The following CNTNAP4 variants were observed in gnomAD, a reference collection of about 807,000 sequenced individuals.
CNTNAP4 encodes contactin associated protein family member 4.
CNTNAP4 carries 98 observed loss-of-function variants against 148.4 expected under a neutral mutation model. That is an observed-to-expected ratio of 0.66 (90% CI 0.56 to 0.78). The LOEUF (loss-of-function observed/expected upper bound fraction) is 0.78, where lower values mean the gene tolerates loss of function less well. CNTNAP4 is among the 30% of genes least tolerant of loss of function. CNTNAP4 has a pLI of 0.00. For missense variants in CNTNAP4, 1,935 were observed against 1,565.6 expected, an observed-to-expected ratio of 1.24 and a Z score of -3.98; for synonymous variants, 730 against 565.1, an observed-to-expected ratio of 1.29 and a Z score of -4.14.
chr16:76,395,540 A>C (rs2144795458), intron 3 of CNTNAP4, among the ~76,000 whole-genome samples: 1 of 152,160 alleles, frequency 6.6e-6, no homozygotes, highest in South Asian at 2.1e-4. Flanking sequence ...CTGGTATTAC[A>C]GGCGTGAGCC....
chr16:76,403,032 A>G (rs1425239499), intron 3 of CNTNAP4, among the ~76,000 whole-genome samples: 4 of 152,158 alleles, frequency 2.6e-5, no homozygotes, highest in Admixed American at 2.0e-4. Context: ...TGGGTGAAGA[A>G]AAAAACAACT....
intron 4 of CNTNAP4, among the ~76,000 whole-genome samples, chr16:76,433,865 C>T (rs151298652): frequency 3.0e-4 from 46 of 152,080 alleles, no homozygotes; most frequent in African/African-American, 1.1e-3. Context: ...CTGAGAAATA[C>T]TGTTTTATGT....
chr16:76,446,315 C>T (rs914266678), intron 4 of CNTNAP4, among the ~76,000 whole-genome samples: 1 of 152,062 alleles, frequency 6.6e-6, no homozygotes, highest in Non-Finnish European at 1.5e-5. Flanking sequence ...GTTGAAAAAT[C>T]GCTTCATATT....
intron 8 of CNTNAP4, among the ~76,000 whole-genome samples, chr16:76,456,914 G>A (rs968249106): frequency 3.9e-5 from 6 of 151,986 alleles, no homozygotes; most frequent in Admixed American, 6.6e-5. Flanking sequence ...CATTTTCTCC[G>A]TATTTAAGGT....
intron 2 of CNTNAP4, among the ~76,000 whole-genome samples, chr16:76,327,059 C>T (rs1010428101): frequency 6.6e-6 from 1 of 151,910 alleles, no homozygotes; most frequent in Non-Finnish European, 1.5e-5. Context: ...TCTTCTTTTC[C>T]AACATTTATC....
intron 11 of CNTNAP4, among the ~76,000 whole-genome samples, chr16:76,476,613 A>T (rs979934714): frequency 1.3e-5 from 2 of 152,186 alleles, no homozygotes. Flanking sequence ...CAAGATCAAG[A>T]TGCCAGCAGA....
Position 76,553,342 on chromosome 16 carries a change from C to G in CNTNAP4, c.3502C>G (p.Leu1168Val). The G allele has an allele frequency of 6.2e-7, 1 of 1,613,124 alleles. No individual in the cohort carries two copies. The highest frequency in any genetic ancestry group is 8.5e-7 in the Non-Finnish European group (1 of 1,179,506). ...LAGAQGFTGCLSAVQLSHVAP... is the reference protein window; with the variant it reads ...LAGAQGFTGCVSAVQLSHVAP... ...AGGTGCGCAGGGCTTCACAGGCTGC[C>G]TCTCTGCAGTGCAGCTCAGCCACGT... The change falls in exon 22 of 24, where the codon CTC (leucine) becomes GTC (valine). Residue 1168 changes from leucine to valine, a missense_variant. Transcript: ENST00000611870.
chr16:76,537,467 AGAGG>A (rs1222576877), intron 18 of CNTNAP4, among the ~76,000 whole-genome samples: 3 of 151,968 alleles, frequency 2.0e-5, no homozygotes, highest in Admixed American at 2.0e-4. Context: ...AGAGAGAGAG[AGAGG>A]AAGACAGAGA....
intron 13 of CNTNAP4, among the ~76,000 whole-genome samples, chr16:76,493,742 C>T (rs1469520195): frequency 6.6e-6 from 1 of 152,138 alleles, no homozygotes; most frequent in African/African-American, 2.4e-5. Context: ...GAAGATTCTT[C>T]ATATTAATGC....
At chr16:76,548,988 G>C (rs1345903118) in intron 21 of CNTNAP4, among the ~76,000 whole-genome samples, 1 of 152,126 alleles carries the variant, frequency 6.6e-6, no homozygotes. Context: ...CGGCTGAGTT[G>C]CTTGTAGTTT....
At chr16:76,449,112 A>G (rs1161800857) in intron 6 of CNTNAP4, among the ~76,000 whole-genome samples, 161 bp downstream of exon 6, 1 of 152,152 alleles carries the variant, frequency 6.6e-6, no homozygotes, top group African/African-American at 2.4e-5. Flanking sequence ...CTTTCGGTGT[A>G]TAGTACTTGA....
chr16:76,317,772 A>G (rs1961957685), intron 2 of CNTNAP4, among the ~76,000 whole-genome samples: 1 of 152,158 alleles, frequency 6.6e-6, no homozygotes, highest in Non-Finnish European at 1.5e-5. Context: ...TATATATCAC[A>G]CATAGTTCTA....
intron 2 of CNTNAP4, among the ~76,000 whole-genome samples, chr16:76,351,171 GTTTA>G (rs1426748646): frequency 6.6e-6 from 1 of 152,074 alleles, no homozygotes; most frequent in Non-Finnish European, 1.5e-5. Context: ...AATAAATACA[GTTTA>G]TTTGATAGTA....
At chr16:76,429,905 T>A (rs1280123042) in intron 4 of CNTNAP4, among the ~76,000 whole-genome samples, 5 of 152,156 alleles carry the variant, frequency 3.3e-5, no homozygotes, top group Non-Finnish European at 2.9e-5. Context: ...CTTAAACACA[T>A]ATAGTGAAAT....
intron 1 of CNTNAP4, among the ~76,000 whole-genome samples, chr16:76,311,579 C>T (rs1231791935): frequency 6.6e-6 from 1 of 152,030 alleles, no homozygotes; most frequent in Non-Finnish European, 1.5e-5. Flanking sequence ...TTACTACTTC[C>T]AACTGATATC....
chr16:76,390,852 GTTTT>G (rs1017361814), intron 3 of CNTNAP4, among the ~76,000 whole-genome samples: 2 of 151,448 alleles, frequency 1.3e-5, no homozygotes, highest in East Asian at 3.9e-4. Flanking sequence ...CTCATTAACT[GTTTT>G]TTTTCTTTTT....
chr16:76,510,776 T>C (rs2082990660), intron 15 of CNTNAP4, among the ~76,000 whole-genome samples: 1 of 152,198 alleles, frequency 6.6e-6, no homozygotes, highest in Admixed American at 6.5e-5. Flanking sequence ...GACTTGAAAG[T>C]GTCTGCCTAT....
chr16:76,430,168 ATAT>A (rs1425440592), intron 4 of CNTNAP4, among the ~76,000 whole-genome samples: 1 of 152,174 alleles, frequency 6.6e-6, no homozygotes, highest in Non-Finnish European at 1.5e-5. Flanking sequence ...TTAAAATGTG[ATAT>A]TATATAGCCA....
intron 3 of CNTNAP4, among the ~76,000 whole-genome samples, chr16:76,426,741 G>T (rs1226047596): frequency 6.6e-6 from 1 of 151,850 alleles, no homozygotes; most frequent in Non-Finnish European, 1.5e-5. Context: ...TTTCCTTTCT[G>T]ACCTCTAATT....
Sources: allele counts gnomAD v4.1 joint callset (sites outside exome capture counted in the v4.1 genomes callset), GRCh38; gene constraint gnomAD v4.1.1; transcripts MANE v1.5; gene names NCBI Gene and HGNC (gene_info 2026-07-23, HGNC 2026-07-21).